Variants in ITPR1 observed in about 807,000 individuals in gnomAD.
The protein encoded by ITPR1 is inositol 1,4,5-trisphosphate receptor type 1, also known as inositol 1,4,5-trisphosphate-gated calcium channel ITPR1.
ITPR1 carries 96 observed loss-of-function variants against 318.4 expected under a neutral mutation model. The observed-to-expected ratio is 0.30, with a 90% CI of 0.26 to 0.36. ITPR1 has a LOEUF of 0.36. ITPR1 is among the 10% of genes least tolerant of loss of function. ITPR1 has a pLI of 1.00. For missense variants in ITPR1, 2,440 were observed against 3,460.2 expected (o/e 0.71, Z 7.40); for synonymous variants, 1,312 against 1,289.9 (o/e 1.02, Z -0.37).
At chr3:4,579,841 A>G (rs2089110878) in intron 4 of ITPR1, among the ~76,000 whole-genome samples, 1 of 152,126 alleles carries the variant, frequency 6.6e-6, no homozygotes, top group Non-Finnish European at 1.5e-5. Flanking sequence ...CCATCCCCCA[A>G]AGATTCCAGG....
At chr3:4,567,716 C>T (rs775160429) in intron 4 of ITPR1, among the ~76,000 whole-genome samples, 70 of 152,242 alleles carry the variant, frequency 4.6e-4, no homozygotes, top group Non-Finnish European at 9.3e-4. Flanking sequence ...ATCCTCCCAC[C>T]TCAGCCTCAC....
intron 4 of ITPR1, among the ~76,000 whole-genome samples, chr3:4,562,124 A>G (rs2086738909): frequency 6.6e-6 from 1 of 152,250 alleles, no homozygotes. Flanking sequence ...CAAAAAAAAA[A>G]TCTCATAATG....
At chr3:4,815,331 G>A (rs2049221929) in intron 59 of ITPR1, 113 bp downstream of exon 59, 9 of 917,678 alleles carry the variant, frequency 9.8e-6, no homozygotes, top group Non-Finnish European at 1.3e-5. Context: ...GCGGGAGGGG[G>A]CACCGGCTGC....
chr3:4,664,661 AAT>A (rs1203515357), intron 16 of ITPR1, among the ~76,000 whole-genome samples: 1 of 152,228 alleles, frequency 6.6e-6, no homozygotes, highest in Non-Finnish European at 1.5e-5. Context: ...AGAGGCAAAA[AAT>A]AACTGACTCA....
chr3:4,510,820 T>C (rs1422300870), intron 2 of ITPR1, among the ~76,000 whole-genome samples: 2 of 152,028 alleles, frequency 1.3e-5, no homozygotes, highest in Non-Finnish European at 2.9e-5. Flanking sequence ...CTGGTGGAAA[T>C]GGTAGTTGAA....
intron 4 of ITPR1, among the ~76,000 whole-genome samples, chr3:4,583,993 G>A (rs528775112): frequency 6.6e-6 from 1 of 152,238 alleles, no homozygotes; most frequent in East Asian, 1.9e-4. Context: ...TTTTCCCAGG[G>A]TCTTGGTATT....
chr3:4,511,340 C>T (rs977436254), intron 2 of ITPR1, among the ~76,000 whole-genome samples: 1 of 152,042 alleles, frequency 6.6e-6, no homozygotes, highest in Non-Finnish European at 1.5e-5. Context: ...GGAGCAATTT[C>T]AATAGAGGGC....
chr3:4,827,964 T>C (rs1017610585), intron 60 of ITPR1, among the ~76,000 whole-genome samples: 2 of 152,080 alleles, frequency 1.3e-5, no homozygotes, highest in African/African-American at 2.4e-5. Flanking sequence ...GCGAGACGGA[T>C]AACATCTTCC....
At chr3:4,790,080 G>C (rs776260264) in intron 52 of ITPR1, among the ~76,000 whole-genome samples, 28 of 152,284 alleles carry the variant, frequency 1.8e-4, no homozygotes, top group South Asian at 1.5e-3. Flanking sequence ...GTATTTTATA[G>C]GTTCTCCAAA....
chr3:4,700,204 G>A lies in ITPR1; in HGVS notation c.4536+263G>A, dbSNP rs58096901. On this transcript the variant is annotated intron_variant, in intron 35 of 61. Coordinates refer to ENST00000649015, the MANE Select transcript of ITPR1 (RefSeq NM_001378452.1). ...TGCTTTTTTTGTCCTCCAGTCCTCT[G>A]CTTCCCTGCCCTCCAATCCTAGAGA... 0.04 allele frequency among the ~76,000 whole-genome samples: 6,111 copies of A among 152,174 alleles called. 437 individuals carry two copies. The highest frequency in any genetic ancestry group is 0.14 in the African/African-American group (5,805 of 41,486).
intron 4 of ITPR1, among the ~76,000 whole-genome samples, chr3:4,555,540 G>A (rs1325756019): frequency 6.6e-6 from 1 of 152,058 alleles, no homozygotes; most frequent in Non-Finnish European, 1.5e-5. Flanking sequence ...AATAAACCAT[G>A]GTATATCCAG....
intron 4 of ITPR1, among the ~76,000 whole-genome samples, chr3:4,549,328 A>G (rs1043917082): frequency 5.3e-5 from 8 of 152,238 alleles, no homozygotes; most frequent in African/African-American, 1.9e-4. Context: ...GGGCGGTTTA[A>G]GCAGAGGGGC....
intron 7 of ITPR1, 106 bp from the exon 8 acceptor site, chr3:4,644,030 C>A: frequency 1.4e-6 from 1 of 719,782 alleles, no homozygotes; most frequent in Non-Finnish European, 2.5e-6. Flanking sequence ...GGGGATAGGC[C>A]TTGCCTTCTT....
chr3:4,807,868 G>A (rs2048687885), intron 55 of ITPR1, among the ~76,000 whole-genome samples: 1 of 152,150 alleles, frequency 6.6e-6, no homozygotes, highest in East Asian at 1.9e-4. Flanking sequence ...ACAAATTCCT[G>A]TCCTCCCTTG....
At chr3:4,806,400 T>C in intron 55 of ITPR1, 133 bp downstream of exon 55, 1 of 858,962 alleles carries the variant, frequency 1.2e-6, no homozygotes, top group Non-Finnish European at 1.8e-6. Flanking sequence ...AGCTCCACAG[T>C]TGGCAGCCTT....
At chr3:4,548,752 T>A (rs1437289527) in intron 4 of ITPR1, among the ~76,000 whole-genome samples, 3 of 152,218 alleles carry the variant, frequency 2.0e-5, no homozygotes, top group African/African-American at 7.2e-5. Context: ...CCCTCCAATT[T>A]TAATCTGAAA....
At chr3:4,584,561 T>G (rs1330918683) in intron 4 of ITPR1, among the ~76,000 whole-genome samples, 15 of 3,038 alleles carry the variant, frequency 4.9e-3, no homozygotes, top group East Asian at 0.045. Flanking sequence ...GTTAGTGGGT[T>G]TTTTTTTTTT....
rs6442904 is a variant in ITPR1 at position 4,699,713 on chromosome 3, C to T, written c.4408-100C>T. 9.5e-3 allele frequency: 11,066 copies of T among 1,166,968 alleles called. 810 individuals carry two copies. In the African/African-American group the frequency reaches 0.15, roughly 16 times the overall value. 72.3% of individuals were successfully genotyped at this position (1,166,968 alleles called of 1,614,324 possible). On this transcript the variant is annotated intron_variant, in intron 34 of 61. Coordinates refer to ENST00000649015, the MANE Select transcript of ITPR1 (RefSeq NM_001378452.1). ...GAAATATTGGCCAGCAGGCCTTTAC[C>T]TTTCATTTGTTAAAAGTAACCCACA...
Position 4,684,598 on chromosome 3 carries a change from C to T in ITPR1, c.3564+252C>T, listed in dbSNP as rs113358739. Among the ~76,000 whole-genome samples the T allele has an allele frequency of 1.2e-4, 18 of 152,264 alleles. No homozygotes were observed. The South Asian group carries it at 1.2e-3, about 11-fold the overall frequency. ...TGTAGGTGCAACCTTTCGTAGGCACCGCATATTTCTGAAGCTTTACAATTG... is the reference window on the plus strand; with the variant it reads ...TGTAGGTGCAACCTTTCGTAGGCACTGCATATTTCTGAAGCTTTACAATTG... On this transcript the variant is annotated intron_variant, in intron 29 of 61. Transcript: ENST00000649015.
Sources: gnomAD v4.1 joint callset for allele counts (sites outside exome capture counted in the v4.1 genomes callset) on GRCh38, gnomAD v4.1.1 for gene constraint, MANE v1.5 for transcripts, NCBI Gene and HGNC (gene_info 2026-07-23, HGNC 2026-07-21) for gene names.